Variants in TYW1B observed in about 807,000 individuals in gnomAD.
TYW1B encodes the protein tRNA-yW synthesizing protein 1 homolog B, also known as S-adenosyl-L-methionine-dependent tRNA 4-demethylwyosine synthase TYW1B.
A neutral mutation model predicts 86.9 loss-of-function variants in TYW1B; 73 were observed. The observed-to-expected ratio is 0.84, with a 90% confidence interval of 0.70 to 1.02. The LOEUF (loss-of-function observed/expected upper bound fraction) is 1.02, where lower values mean the gene tolerates loss of function less well. Among genes scored for constraint, TYW1B ranks in the 50% least tolerant of loss-of-function variants. The pLI is 0.00. For synonymous variants in TYW1B, 248 were observed against 292.8 expected (o/e 0.85, Z 1.56); for missense variants, 637 against 827.4 (o/e 0.77, Z 2.82).
chr7:72,575,775 A>G (rs1811008596), intron 13 of TYW1B, 56 bp from the exon 14 acceptor site: 3 of 1,578,976 alleles, frequency 1.9e-6, no homozygotes, highest in Non-Finnish European at 1.7e-6. Flanking sequence ...GAAAAAAAAA[A>G]TGAATGTTTT....
At chr7:72,820,092 T>C (rs1264908877) in intron 2 of TYW1B, among the ~76,000 whole-genome samples, 1 of 152,094 alleles carries the variant, frequency 6.6e-6, no homozygotes, top group Non-Finnish European at 1.5e-5. Flanking sequence ...CTGACCAACA[T>C]GGTGAAACCC....
chr7:72,717,668 C>T (rs2129570794), intron 9 of TYW1B, among the ~76,000 whole-genome samples: 1 of 151,600 alleles, frequency 6.6e-6, no homozygotes, highest in South Asian at 2.1e-4. Flanking sequence ...CACACACACA[C>T]ACACACACAC....
chr7:72,644,578 C>G (rs1554441818), intron 11 of TYW1B, among the ~76,000 whole-genome samples: 5 of 151,808 alleles, frequency 3.3e-5, no homozygotes, highest in Non-Finnish European at 4.4e-5. Flanking sequence ...TAAATAAAAA[C>G]AAATAAAAAC....
intron 11 of TYW1B, among the ~76,000 whole-genome samples, chr7:72,652,978 T>C (rs1386453505): frequency 6.6e-6 from 1 of 152,062 alleles, no homozygotes; most frequent in African/African-American, 2.4e-5. Context: ...GTTAAGAAAA[T>C]CATGACAAAC....
chr7:72,712,191 A>G (rs1786681101), intron 10 of TYW1B, among the ~76,000 whole-genome samples: 1 of 151,974 alleles, frequency 6.6e-6, no homozygotes, highest in Non-Finnish European at 1.5e-5. Context: ...TCCTTACAAG[A>G]GCCCTCTGCT....
At chr7:72,769,445 A>G (rs1424021557) in intron 7 of TYW1B, among the ~76,000 whole-genome samples, 2 of 152,166 alleles carry the variant, frequency 1.3e-5, no homozygotes, top group Non-Finnish European at 2.9e-5. Flanking sequence ...TTAAAACTAC[A>G]TACAAAGCTT....
At chr7:72,774,576 G>C (rs1787922181) in intron 7 of TYW1B, among the ~76,000 whole-genome samples, 1 of 151,806 alleles carries the variant, frequency 6.6e-6, no homozygotes, top group Non-Finnish European at 1.5e-5. Context: ...CAAAAAATTA[G>C]CCAGGCGTGG....
At chr7:72,780,697 G>A (rs574745507) in intron 6 of TYW1B, among the ~76,000 whole-genome samples, 1 of 152,234 alleles carries the variant, frequency 6.6e-6, no homozygotes, top group South Asian at 2.1e-4. Context: ...AGTCATAAGG[G>A]CTATGATTAA....
rs576056553 is a variant in TYW1B at position 72,729,290 on chromosome 7, T to C, written c.1083-359A>G. 3.1e-4 allele frequency among the ~76,000 whole-genome samples: 47 copies of C among 152,246 alleles called. 1 individual carries two copies. In the South Asian group the frequency reaches 9.5e-3, roughly 31 times the overall value. On this transcript the variant is annotated intron_variant, in intron 8 of 13. Coordinates refer to ENST00000620995, the MANE Select transcript of TYW1B (RefSeq NM_001145440.3). ...TCATCTACGTCGACACTTCATAAAGTGAGTGAGGACAGCTGGAACACTTGC... is the reference window on the plus strand; with the variant it reads ...TCATCTACGTCGACACTTCATAAAGCGAGTGAGGACAGCTGGAACACTTGC...
At chr7:72,586,480 T>TGG (rs2129567720) in intron 13 of TYW1B, among the ~76,000 whole-genome samples, 1 of 152,312 alleles carries the variant, frequency 6.6e-6, no homozygotes, top group Non-Finnish European at 1.5e-5. Flanking sequence ...CTCACGCCTG[T>TGG]AATCCCAGCA....
At chr7:72,764,492 G>A (rs183511551) in intron 7 of TYW1B, among the ~76,000 whole-genome samples, 11 of 152,130 alleles carry the variant, frequency 7.2e-5, no homozygotes, top group African/African-American at 1.4e-4. Context: ...CATATTGGCC[G>A]GGCTGGTCTC....
intron 7 of TYW1B, among the ~76,000 whole-genome samples, chr7:72,747,968 C>T (rs1338441803): frequency 1.3e-5 from 2 of 152,104 alleles, no homozygotes; most frequent in Non-Finnish European, 2.9e-5. Context: ...TTCACATGTT[C>T]ATTGTTAATA....
intron 4 of TYW1B, among the ~76,000 whole-genome samples, chr7:72,807,619 G>A (rs1788523307): frequency 6.6e-6 from 1 of 152,014 alleles, no homozygotes; most frequent in South Asian, 2.1e-4. Context: ...CAAATGAAGG[G>A]TTAATGACTA....
chr7:72,623,748 T>C (rs1359167350), intron 12 of TYW1B, among the ~76,000 whole-genome samples: 1 of 152,164 alleles, frequency 6.6e-6, no homozygotes, highest in Non-Finnish European at 1.5e-5. Flanking sequence ...GCCATATTGC[T>C]AGTTCTTATC....
chr7:72,812,151 T>TA (rs1265419042), intron 3 of TYW1B, among the ~76,000 whole-genome samples: 3 of 151,184 alleles, frequency 2.0e-5, no homozygotes, highest in Non-Finnish European at 4.4e-5. Context: ...TTTTTTTTTT[T>TA]AAATCTGCAT....
chr7:72,792,980 TCCAGGAA>T (rs1319567900), intron 6 of TYW1B, among the ~76,000 whole-genome samples: 1 of 152,128 alleles, frequency 6.6e-6, no homozygotes, highest in African/African-American at 2.4e-5. Context: ...GAAAAGCGGA[TCCAGGAA>T]AAACAGGAAC....
chr7:72,767,525 G>A (rs1414853731), intron 7 of TYW1B, among the ~76,000 whole-genome samples: 1 of 151,984 alleles, frequency 6.6e-6, no homozygotes. Flanking sequence ...CAGGAGAATG[G>A]TGTGAACCTG....
At chr7:72,818,239 A>T (rs1454120760) in intron 2 of TYW1B, among the ~76,000 whole-genome samples, 2 of 151,562 alleles carry the variant, frequency 1.3e-5, no homozygotes, top group Non-Finnish European at 2.9e-5. Flanking sequence ...AACCAAATAA[A>T]CCTCTTTTCT....
chr7:72,819,818 A>G (rs1181295734), intron 2 of TYW1B, among the ~76,000 whole-genome samples: 2 of 152,172 alleles, frequency 1.3e-5, no homozygotes, highest in Non-Finnish European at 2.9e-5. Flanking sequence ...ACACAAAATC[A>G]TCAGATTCTC....
Sources: gnomAD v4.1 joint callset for allele counts (sites outside exome capture counted in the v4.1 genomes callset) on GRCh38, gnomAD v4.1.1 for gene constraint, MANE v1.5 for transcripts, NCBI Gene and HGNC (gene_info 2026-07-23, HGNC 2026-07-21) for gene names.